ASH1L: variants seen among roughly 807,000 people sequenced by gnomAD.
ASH1L encodes histone-lysine N-methyltransferase ASH1L.
In ASH1L, 23 loss-of-function variants were observed where a neutral mutation model predicts 269.0. The ratio of observed to expected loss-of-function variants is 0.09; its 90% CI spans 0.06 to 0.12. ASH1L has a LOEUF of 0.12. Ranked by LOEUF, ASH1L falls within the 10% of genes least tolerant of loss-of-function variation. The pLI, the probability that ASH1L is intolerant of heterozygous loss-of-function variation, is 1.00. For missense variants in ASH1L, 2,912 were observed against 3,567.8 expected (o/e 0.82, Z 4.68); for synonymous variants, 1,187 against 1,253.5 (o/e 0.95, Z 1.12).
intron 1 of ASH1L, among the ~76,000 whole-genome samples, chr1:155,542,278 G>T (rs181199844): frequency 6.6e-6 from 1 of 152,116 alleles, no homozygotes; most frequent in African/African-American, 2.4e-5. Flanking sequence ...GGCCACGCAC[G>T]GTGGCTTACG....
chr1:155,400,812 C>T (rs1658770066), intron 6 of ASH1L, among the ~76,000 whole-genome samples: 1 of 152,178 alleles, frequency 6.6e-6, no homozygotes, highest in Admixed American at 6.5e-5. Context: ...TTACATACTT[C>T]AGCATAATCA....
At chr1:155,560,255 T>G (rs1447187580) in intron 1 of ASH1L, among the ~76,000 whole-genome samples, 1 of 152,346 alleles carries the variant, frequency 6.6e-6, no homozygotes, top group East Asian at 1.9e-4. Flanking sequence ...ATCTTCTAAC[T>G]TGAGGGCCCA....
intron 1 of ASH1L, among the ~76,000 whole-genome samples, chr1:155,527,781 A>G (rs754879821): frequency 2.6e-5 from 4 of 151,988 alleles, no homozygotes; most frequent in Non-Finnish European, 5.9e-5. Flanking sequence ...CCTGGCCTCA[A>G]GCAATCCTCC....
At chr1:155,363,630 C>T (rs1311201056) in intron 12 of ASH1L, among the ~76,000 whole-genome samples, 3 of 152,052 alleles carry the variant, frequency 2.0e-5, no homozygotes, top group South Asian at 4.1e-4. Flanking sequence ...TTTATAGGTG[C>T]AAAGCCAACA....
rs574715048 is a variant in ASH1L, at chr1:155,520,866, A to T, written c.420+234T>A. 3.3e-4 allele frequency among the ~76,000 whole-genome samples: 50 copies of T among 152,336 alleles called. No individual in the cohort carries two copies. The South Asian group carries it at 9.5e-3, about 29-fold the overall frequency. ...AACAAGAGCAAAACTTAATCTCAAA[A>T]AAATAAATAAATAAAATTTTAAAAT... On this transcript the variant is annotated intron_variant, in intron 2 of 27. Transcript: ENST00000392403.
At chr1:155,418,120 T>C (rs895480947) in intron 5 of ASH1L, among the ~76,000 whole-genome samples, 4 of 151,966 alleles carry the variant, frequency 2.6e-5, no homozygotes, top group African/African-American at 9.7e-5. Context: ...ATGTCTTGCA[T>C]CCAATAATAA....
intron 25 of ASH1L, 45 bp from the exon 26 acceptor site, chr1:155,339,413 G>T: frequency 1.9e-6 from 3 of 1,588,164 alleles, no homozygotes; most frequent in Non-Finnish European, 2.6e-6. Context: ...TAGAAGCTGG[G>T]AGAGCTAGCT....
intron 21 of ASH1L, among the ~76,000 whole-genome samples, chr1:155,345,244 G>C (rs1278866259): frequency 7.5e-6 from 1 of 133,092 alleles, no homozygotes; most frequent in African/African-American, 2.8e-5. Context: ...GCAGTGGCGT[G>C]ATCTTGGCTC....
rs765621026 is a variant in ASH1L at position 155,370,797 on chromosome 1, G to A, written c.6519C>T (p.Val2173=). 1.1e-5 allele frequency: 17 copies of A among 1,613,904 alleles called. No individual in the cohort carries two copies. Among genetic ancestry groups the A allele is most frequent in the South Asian group, 3.3e-5 (3 of 91,082 alleles). Residue 2173 remains valine, a synonymous_variant, in exon 11 of 28, where the codon GTC becomes GTT. Coordinates refer to ENST00000392403, the MANE Select transcript of ASH1L (RefSeq NM_018489.3). Reference sequence around the variant, plus strand: ...CGTACCTGAACTCCTGTTCACTGACGACCTCCCCTAGGTATTCAATGATGA... The same window carrying A: ...CGTACCTGAACTCCTGTTCACTGACAACCTCCCCTAGGTATTCAATGATGA... ...GQFIIEYLGE[V]VSEQEFRNRM...
chr1:155,474,922 C>CA (rs1348774998), intron 3 of ASH1L, among the ~76,000 whole-genome samples: 5 of 152,280 alleles, frequency 3.3e-5, no homozygotes, highest in South Asian at 2.1e-4. Flanking sequence ...ATGCAGAAGG[C>CA]AAAATCATCA....
At position 155,370,772 on chromosome 1, in the gene ASH1L, C is replaced by A; in HGVS notation, c.6539+5G>T. 1 of 1,614,138 alleles carries A rather than the reference C, an allele frequency of 6.2e-7. No homozygotes were observed. Among genetic ancestry groups the A allele is most frequent in the Non-Finnish European group, 8.5e-7 (1 of 1,179,998 alleles). Reference sequence around the variant, plus strand: ...TTATTAGAGTATCATCATTTACCACCGTACCTGAACTCCTGTTCACTGACG... The same window carrying A: ...TTATTAGAGTATCATCATTTACCACAGTACCTGAACTCCTGTTCACTGACG... On this transcript the variant is annotated splice_donor_5th_base_variant and intron_variant, in intron 11 of 27. Transcript: ENST00000392403.
intron 12 of ASH1L, 53 bp downstream of exon 12, chr1:155,370,451 A>G (rs1022653056): frequency 5.6e-6 from 9 of 1,607,878 alleles, no homozygotes; most frequent in African/African-American, 1.3e-5. Flanking sequence ...CCCTTGCTGC[A>G]CTCAATGCTT....
At chr1:155,499,807 A>C (rs1481981895) in intron 2 of ASH1L, among the ~76,000 whole-genome samples, 3 of 152,222 alleles carry the variant, frequency 2.0e-5, no homozygotes, top group Non-Finnish European at 4.4e-5. Context: ...TCTGGGACTA[A>C]AGAAGATATA....
chr1:155,517,703 T>C (rs1334627988), intron 2 of ASH1L, among the ~76,000 whole-genome samples: 2 of 150,548 alleles, frequency 1.3e-5, no homozygotes, highest in African/African-American at 2.4e-5. Context: ...ATGAAAACAG[T>C]GTGGTACTTG....
intron 3 of ASH1L, 116 bp from the exon 4 acceptor site, chr1:155,460,014 A>G (rs529488037): frequency 4.3e-6 from 3 of 693,910 alleles, no homozygotes; most frequent in African/African-American, 3.6e-5. Flanking sequence ...ATCCCCTGTA[A>G]TAACATGACT....
At chr1:155,380,000 T>C (rs1656798615) in intron 8 of ASH1L, 43 bp downstream of exon 8, 1 of 1,435,518 alleles carries the variant, frequency 7.0e-7, no homozygotes, top group Non-Finnish European at 9.8e-7. Context: ...CCCTCCCCCT[T>C]TACCACTTAA....
At chr1:155,438,030 G>A (rs1662237483) in intron 5 of ASH1L, among the ~76,000 whole-genome samples, 3 of 152,078 alleles carry the variant, frequency 2.0e-5, no homozygotes, top group Non-Finnish European at 4.4e-5. Context: ...TATATTTTTA[G>A]TAGAGAAAGG....
chr1:155,496,887 T>C (rs1667190471), intron 2 of ASH1L, among the ~76,000 whole-genome samples: 1 of 151,752 alleles, frequency 6.6e-6, no homozygotes, highest in African/African-American at 2.4e-5. Context: ...CTCGGGCAAT[T>C]CTCCCGTCAC....
chr1:155,360,157 TG>T (rs1255253004), intron 13 of ASH1L, 143 bp downstream of exon 13: 2 of 589,942 alleles, frequency 3.4e-6, no homozygotes, highest in Non-Finnish European at 6.1e-6. Flanking sequence ...CACAAAGTGC[TG>T]GGATTAAAGG....
Sources: gnomAD v4.1 joint callset for allele counts (sites outside exome capture counted in the v4.1 genomes callset) on GRCh38, gnomAD v4.1.1 for gene constraint, MANE v1.5 for transcripts, NCBI Gene and HGNC (gene_info 2026-07-23, HGNC 2026-07-21) for gene names.